The following TRIM44 variants were observed in gnomAD, a reference collection of about 807,000 sequenced individuals.
TRIM44 encodes the protein tripartite motif containing 44, also known as tripartite motif-containing protein 44.
TRIM44 carries 13 observed loss-of-function variants against 37.4 expected under a neutral mutation model. That is an observed-to-expected ratio of 0.35 (90% CI 0.23 to 0.55). The LOEUF (loss-of-function observed/expected upper bound fraction) is 0.55. Ranked by LOEUF, TRIM44 falls within the 20% of genes least tolerant of loss-of-function variation. TRIM44 has a pLI of 0.89. For synonymous variants in TRIM44, 175 were observed against 157.2 expected (o/e 1.11, Z -0.85); for missense variants, 426 against 437.2 (o/e 0.97, Z 0.23).
chr11:35,729,629 T>C (rs780354624), intron 3 of TRIM44, among the ~76,000 whole-genome samples: 16 of 152,174 alleles, frequency 1.1e-4, no homozygotes, highest in Non-Finnish European at 1.6e-4. Flanking sequence ...CAACTAGCTC[T>C]GTGGAGAATG....
chr11:35,795,286 T>C (rs974171303), intron 4 of TRIM44, among the ~76,000 whole-genome samples: 1 of 152,222 alleles, frequency 6.6e-6, no homozygotes, highest in African/African-American at 2.4e-5. Flanking sequence ...GGTACTGATA[T>C]AATCTATTGC....
At chr11:35,709,535 G>A (rs1009269810) in intron 2 of TRIM44, among the ~76,000 whole-genome samples, 3 of 152,132 alleles carry the variant, frequency 2.0e-5, no homozygotes, top group Non-Finnish European at 4.4e-5. Context: ...GCCTCTAACT[G>A]GATCCAAGCC....
Position 35,704,133 on chromosome 11 carries a change from T to C in TRIM44, c.747+18797T>C, listed in dbSNP as rs1229743670. Among the ~76,000 whole-genome samples the C allele has an allele frequency of 2.6e-5, 4 of 152,166 alleles. 1 individual carries two copies. Among genetic ancestry groups the C allele is most frequent in the Admixed American group, 2.0e-4 (3 of 15,286 alleles). ...AGAATGCAGAAGCCTCAGGAGCCGA[T>C]GCGATCAACTGAAAGAAAGGGTATC... On this transcript the variant is annotated intron_variant, in intron 2 of 4. Coordinates refer to ENST00000299413, the MANE Select transcript of TRIM44 (RefSeq NM_017583.6).
At chr11:35,681,171 A>C (rs552864223) in intron 1 of TRIM44, among the ~76,000 whole-genome samples, 1 of 152,318 alleles carries the variant, frequency 6.6e-6, no homozygotes, top group African/African-American at 2.4e-5. Flanking sequence ...TTATTGTATT[A>C]CTGTGAAATG....
chr11:35,733,848 A>G lies in TRIM44; in HGVS notation c.988-1578A>G, dbSNP rs185838016. Among the ~76,000 whole-genome samples the G allele has an allele frequency of 1.3e-3, 197 of 152,198 alleles. No individual in the cohort carries two copies. In the Middle Eastern group the frequency reaches 0.017, roughly 13 times the overall value. On this transcript the variant is annotated intron_variant, in intron 3 of 4. Coordinates refer to ENST00000299413, the MANE Select transcript of TRIM44 (RefSeq NM_017583.6). The stretch of plus-strand genomic sequence containing the variant: ...CCCATTCTGTAGTTTCACAGAACTC[A>G]AGGTCCCTTGAACAACACATTTTTA...
intron 2 of TRIM44, among the ~76,000 whole-genome samples, chr11:35,687,964 T>G (rs1451345479): frequency 6.6e-6 from 1 of 152,188 alleles, no homozygotes; most frequent in Non-Finnish European, 1.5e-5. Flanking sequence ...GTGAACGTAA[T>G]TGCAGAATGA....
chr11:35,707,451 A>G (rs1851901669), intron 2 of TRIM44, among the ~76,000 whole-genome samples: 1 of 152,136 alleles, frequency 6.6e-6, no homozygotes, highest in Non-Finnish European at 1.5e-5. Context: ...AGCCCGCATC[A>G]CCAAGTCAAT....
In TRIM44 at chr11:35,685,305, A is replaced by G; in HGVS notation, c.716A>G (p.Glu239Gly). The G allele has an allele frequency of 6.2e-7, 1 of 1,614,234 alleles. No homozygotes were observed. The highest frequency in any genetic ancestry group is 1.7e-5 in the Admixed American group (1 of 60,032). Residue 239 changes from glutamate to glycine, a missense_variant, in exon 2 of 5, where the codon GAA becomes GGA. Glu to Gly is a moderately conservative substitution (Grantham distance 98, BLOSUM62 -2). Transcript: ENST00000299413. ...GLKAAMIELV[E>G]RLKFKSSDPK... The stretch of plus-strand genomic sequence containing the variant: ...AAGGCCGCTATGATCGAATTGGTGG[A>G]AAGGTTGAAGTTCAAGAGCTCAGAC...
chr11:35,747,929 A>C (rs527880212), intron 4 of TRIM44, among the ~76,000 whole-genome samples: 1 of 152,058 alleles, frequency 6.6e-6, no homozygotes, highest in African/African-American at 2.4e-5. Flanking sequence ...CAGGAGGGAA[A>C]ACTTAGCAAT....
rs1368533479 is a variant in TRIM44 at position 35,663,396 on chromosome 11, A to AGGGGAAGAGAGTGAGTCG, written c.287_304dup (p.Gly96_Ser101dup). ...AGGAGAGGGAGATAGAAAGCGAGGC[A>AGGGGAAGAGAGTGAGTCG]GGGGAAGAGAGTGAGTCGGAGGAAG... On this transcript the variant is annotated inframe_insertion, in exon 1 of 5. Transcript: ENST00000299413. 24 of 1,600,748 alleles carry AGGGGAAGAGAGTGAGTCG rather than the reference A, an allele frequency of 1.5e-5. 1 individual carries two copies. Among genetic ancestry groups the AGGGGAAGAGAGTGAGTCG allele is most frequent in the South Asian group, 1.0e-4 (9 of 89,806 alleles).
At chr11:35,674,740 C>T (rs1023007084) in intron 1 of TRIM44, among the ~76,000 whole-genome samples, 4 of 152,088 alleles carry the variant, frequency 2.6e-5, no homozygotes, top group East Asian at 1.9e-4. Context: ...GTGGTGGATA[C>T]GAAGAAGAAT....
At chr11:35,706,943 T>C (rs1851893553) in intron 2 of TRIM44, among the ~76,000 whole-genome samples, 1 of 150,746 alleles carries the variant, frequency 6.6e-6, no homozygotes, top group African/African-American at 2.4e-5. Context: ...AAATAAAGGG[T>C]ATTCAATTAG....
rs1853539927 is a variant in TRIM44 at position 35,812,541 on chromosome 11, T to A, written c.*6156T>A. ...CATTCCCCACTTTGTTGCTCAGGAA[T>A]CAAATTTAGAGAATTAAGTACTGTG... On this transcript the variant is annotated 3_prime_UTR_variant, in exon 5 of 5. Transcript: ENST00000299413. 1 of 152,184 alleles carries A rather than the reference T, an allele frequency of 6.6e-6. No homozygotes were observed. Among genetic ancestry groups the A allele is most frequent in the East Asian group, 1.9e-4 (1 of 5,194 alleles). The allele number at this position is 152,184 out of a possible 1,614,324, so 9.4% of individuals were successfully genotyped here. A position where few individuals can be genotyped will look rare whatever the true frequency, so the allele number is the denominator to read the frequency against.
chr11:35,700,569 A>G (rs1196135780), intron 2 of TRIM44, among the ~76,000 whole-genome samples: 2 of 152,192 alleles, frequency 1.3e-5, no homozygotes, highest in Non-Finnish European at 2.9e-5. Flanking sequence ...CCTTTCATGA[A>G]TCCTTTCACA....
intron 4 of TRIM44, among the ~76,000 whole-genome samples, chr11:35,774,966 C>T (rs1025653393): frequency 6.6e-6 from 1 of 152,118 alleles, no homozygotes; most frequent in African/African-American, 2.4e-5. Context: ...TTTTTGGTTC[C>T]ATATGAACTT....
intron 2 of TRIM44, among the ~76,000 whole-genome samples, chr11:35,709,364 G>T (rs535867278): frequency 6.6e-6 from 1 of 152,100 alleles, no homozygotes; most frequent in Non-Finnish European, 1.5e-5. Context: ...AGATTCCCTT[G>T]ATTAACCTAG....
intron 4 of TRIM44, among the ~76,000 whole-genome samples, chr11:35,766,341 G>T (rs975694355): frequency 2.6e-5 from 4 of 152,124 alleles, no homozygotes; most frequent in Non-Finnish European, 5.9e-5. Flanking sequence ...GTTGGGGTTG[G>T]GAATTTATCT....
chr11:35,748,773 A>T (rs1852526159), intron 4 of TRIM44, among the ~76,000 whole-genome samples: 1 of 152,252 alleles, frequency 6.6e-6, no homozygotes, highest in South Asian at 2.1e-4. Flanking sequence ...TATCAGGCTC[A>T]TAGCTCAAGA....
At chr11:35,748,487 T>G (rs1225836548) in intron 4 of TRIM44, among the ~76,000 whole-genome samples, 1 of 152,208 alleles carries the variant, frequency 6.6e-6, no homozygotes, top group Non-Finnish European at 1.5e-5. Flanking sequence ...ATTAATATTC[T>G]CATAACAGAC....
Sources: allele counts gnomAD v4.1 joint callset (sites outside exome capture counted in the v4.1 genomes callset), GRCh38; gene constraint gnomAD v4.1.1; transcripts MANE v1.5; gene names NCBI Gene and HGNC (gene_info 2026-07-23, HGNC 2026-07-21).